STK38L: variants seen among roughly 807,000 people sequenced by gnomAD.
STK38L encodes the protein serine/threonine-protein kinase 38-like.
Under a neutral mutation model 59.7 loss-of-function variants are expected in STK38L, and 28 were observed. The ratio of observed to expected loss-of-function variants is 0.47; its 90% CI spans 0.35 to 0.64. The LOEUF is 0.64. STK38L is among the 30% of genes least tolerant of loss of function. The probability of loss-of-function intolerance (pLI) is 0.01; values close to 1 mark genes in which losing one functional copy is unlikely to be tolerated. For synonymous variants in STK38L, 162 were observed against 176.8 expected (o/e 0.92, Z 0.66); for missense variants, 314 against 555.8 (o/e 0.56, Z 4.37).
chr12:27,294,893 A>T (rs956671679), intron 1 of STK38L, among the ~76,000 whole-genome samples: 6 of 151,820 alleles, frequency 4.0e-5, no homozygotes, highest in Non-Finnish European at 5.9e-5. Flanking sequence ...AAAAAAAAAA[A>T]AATTGTAGAG....
At chr12:27,270,474 T>A (rs553479663) in intron 1 of STK38L, among the ~76,000 whole-genome samples, 1 of 152,248 alleles carries the variant, frequency 6.6e-6, no homozygotes, top group Admixed American at 6.5e-5. Flanking sequence ...ACCTCTTGGG[T>A]TTGAGCAATT....
intron 1 of STK38L, among the ~76,000 whole-genome samples, chr12:27,292,307 T>C (rs1943914746): frequency 6.6e-6 from 1 of 152,228 alleles, no homozygotes. Context: ...TTTAAAAGTC[T>C]GTCTGTGTCT....
At chr12:27,251,307 G>A (rs912110707) in intron 1 of STK38L, among the ~76,000 whole-genome samples, 1 of 152,106 alleles carries the variant, frequency 6.6e-6, no homozygotes, top group Admixed American at 6.5e-5. Context: ...AATACCAGGA[G>A]CCCTTATATT....
intron 9 of STK38L, 62 bp downstream of exon 9, chr12:27,315,412 A>G (rs1460469234): frequency 7.5e-7 from 1 of 1,330,684 alleles, no homozygotes; most frequent in Non-Finnish European, 1.1e-6. Flanking sequence ...CCTGGTTTTA[A>G]CTTGATTATT....
chr12:27,251,782 G>A (rs944966072), intron 1 of STK38L, among the ~76,000 whole-genome samples: 6 of 152,272 alleles, frequency 3.9e-5, no homozygotes, highest in Middle Eastern at 3.4e-3. Context: ...TGAGAACCTG[G>A]AATTTTAGTT....
intron 1 of STK38L, among the ~76,000 whole-genome samples, chr12:27,271,445 T>C (rs1459608509): frequency 6.6e-6 from 1 of 152,214 alleles, no homozygotes; most frequent in Non-Finnish European, 1.5e-5. Flanking sequence ...ATAGTTTTGG[T>C]TCCTCATGAG....
Position 27,291,712 on chromosome 12 carries a change from C to G in STK38L, c.-11-5998C>G, listed in dbSNP as rs528360764. On this transcript the variant is annotated intron_variant, in intron 1 of 13. Coordinates refer to ENST00000389032, the MANE Select transcript of STK38L (RefSeq NM_015000.4). Reference sequence around the variant, plus strand: ...GGACCCAGTTTATACAGTGTACAATCTGAGGACTTATTGTAGCCTAGGGCA... The same window carrying G: ...GGACCCAGTTTATACAGTGTACAATGTGAGGACTTATTGTAGCCTAGGGCA... 2.3e-4 allele frequency among the ~76,000 whole-genome samples: 35 copies of G among 152,288 alleles called. 1 individual carries two copies. Among genetic ancestry groups the G allele is most frequent in the African/African-American group, 8.4e-4 (35 of 41,560 alleles).
At chr12:27,306,752 C>CACACACACACACACACAT (rs1491536388) in intron 3 of STK38L, among the ~76,000 whole-genome samples, 8 of 139,634 alleles carry the variant, frequency 5.7e-5, no homozygotes, top group Non-Finnish European at 1.1e-4. Flanking sequence ...CACACACACA[C>CACACACACACACACACAT]ATATATTTGA....
At chr12:27,310,105 C>T (rs1181976044) in intron 5 of STK38L, among the ~76,000 whole-genome samples, 1 of 152,070 alleles carries the variant, frequency 6.6e-6, no homozygotes, top group Non-Finnish European at 1.5e-5. Context: ...TAAAGTGAAA[C>T]CCATTGGCAT....
chr12:27,285,707 A>G (rs1444758772), intron 1 of STK38L, among the ~76,000 whole-genome samples: 1 of 152,134 alleles, frequency 6.6e-6, no homozygotes. Context: ...CCAAATATGT[A>G]TTTTGGACAT....
intron 1 of STK38L, among the ~76,000 whole-genome samples, chr12:27,292,591 G>C (rs1943919824): frequency 6.6e-6 from 1 of 151,716 alleles, no homozygotes. Context: ...CATTAGAGTT[G>C]AGTTACCATC....
intron 1 of STK38L, among the ~76,000 whole-genome samples, chr12:27,250,424 C>T (rs531386757): frequency 2.0e-5 from 3 of 152,202 alleles, no homozygotes; most frequent in Non-Finnish European, 2.9e-5. Flanking sequence ...AGATTTAGCT[C>T]CCTGAACATC....
intron 1 of STK38L, among the ~76,000 whole-genome samples, chr12:27,274,028 G>A (rs1187610742): frequency 1.3e-5 from 2 of 152,068 alleles, no homozygotes; most frequent in Admixed American, 6.5e-5. Flanking sequence ...GCTGAGGTGG[G>A]CGGATCACAA....
intron 1 of STK38L, among the ~76,000 whole-genome samples, chr12:27,264,528 C>G (rs958242307): frequency 6.6e-6 from 1 of 152,186 alleles, no homozygotes; most frequent in Non-Finnish European, 1.5e-5. Flanking sequence ...GCAATTGACT[C>G]TCCATATTCA....
chr12:27,268,276 A>T (rs528883735), intron 1 of STK38L, among the ~76,000 whole-genome samples: 8 of 129,844 alleles, frequency 6.2e-5, no homozygotes, highest in African/African-American at 1.8e-4. Flanking sequence ...CTTTCCCCCC[A>T]CCCCACAACA....
chr12:27,308,603 T>G lies in STK38L; in HGVS notation c.309+142T>G. 605 of 861,418 alleles carry G rather than the reference T, an allele frequency of 7.0e-4. No homozygotes were observed. Among genetic ancestry groups the G allele is most frequent in the Non-Finnish European group, 8.2e-4 (547 of 666,442 alleles). The allele number at this position is 861,418 out of a possible 1,614,324, so 53.4% of individuals were successfully genotyped here. A position where few individuals can be genotyped will look rare whatever the true frequency, so the allele number is the denominator to read the frequency against. The stretch of plus-strand genomic sequence containing the variant: ...ACTTTGGGAGGCCGAGGCGGGTGGA[T>G]CGCCTGAGGTCAGGAGTTCGAGACC... On this transcript the variant is annotated intron_variant, in intron 4 of 13. Transcript: ENST00000389032. The surrounding 1 kb of genome is among the most constrained non-coding windows in gnomAD (Gnocchi z 4.5).
At chr12:27,284,418 T>C (rs1943725817) in intron 1 of STK38L, among the ~76,000 whole-genome samples, 3 of 152,366 alleles carry the variant, frequency 2.0e-5, no homozygotes, top group South Asian at 2.1e-4. Flanking sequence ...TCTCACTTAA[T>C]GACAGATAAG....
chr12:27,315,005 T>G lies in STK38L; in HGVS notation c.673-10T>G. On this transcript the variant is annotated splice_polypyrimidine_tract_variant and intron_variant, in intron 7 of 13. Transcript: ENST00000389032. ...TTAATATGATCTAATTTTACTGGAT[T>G]TTTTTTTAGGGTCATGTAAAATTAT... is the stretch of plus-strand genomic sequence containing the variant. 1.3e-6 allele frequency: 2 copies of G among 1,590,306 alleles called. No individual in the cohort carries two copies. Among genetic ancestry groups the G allele is most frequent in the Non-Finnish European group, 1.7e-6 (2 of 1,168,286 alleles).
chr12:27,277,659 G>A (rs753061508), intron 1 of STK38L, among the ~76,000 whole-genome samples: 1 of 152,038 alleles, frequency 6.6e-6, no homozygotes, highest in Non-Finnish European at 1.5e-5. Flanking sequence ...CATGGAGTTT[G>A]CATATAATTT....
Sources: gnomAD v4.1 joint callset for allele counts (sites outside exome capture counted in the v4.1 genomes callset) on GRCh38, gnomAD v4.1.1 for gene constraint, Gnocchi (gnomAD v3.1) non-coding constraint, MANE v1.5 for transcripts, NCBI Gene and HGNC (gene_info 2026-07-23, HGNC 2026-07-21) for gene names.